KCNH7: variants seen among roughly 807,000 people sequenced by gnomAD.
The protein encoded by KCNH7 is voltage-gated inwardly rectifying potassium channel KCNH7.
In KCNH7, 49 loss-of-function variants were observed where a neutral mutation model predicts 120.8. The ratio of observed to expected loss-of-function variants is 0.41; its 90% CI spans 0.32 to 0.51. KCNH7 has a LOEUF of 0.51. Among genes scored for constraint, KCNH7 ranks in the 20% least tolerant of loss-of-function variants. The probability of loss-of-function intolerance (pLI) is 0.38; values close to 1 mark genes in which losing one functional copy is unlikely to be tolerated. For synonymous variants in KCNH7, 547 were observed against 516.1 expected (o/e 1.06, Z -0.81); for missense variants, 1,097 against 1,446.6 (o/e 0.76, Z 3.92).
At chr2:162,678,161 C>T (rs114419346) in intron 2 of KCNH7, among the ~76,000 whole-genome samples, 1 of 151,130 alleles carries the variant, frequency 6.6e-6, no homozygotes, top group Non-Finnish European at 1.5e-5. Context: ...TTGACAGATG[C>T]CTATTTCTAG....
chr2:162,627,861 G>T (rs1368482976), intron 2 of KCNH7, among the ~76,000 whole-genome samples: 3 of 151,664 alleles, frequency 2.0e-5, no homozygotes, highest in African/African-American at 7.3e-5. Flanking sequence ...TAATAGTATT[G>T]CAGTGACCTG....
chr2:162,467,104 C>G (rs982406041), intron 6 of KCNH7, among the ~76,000 whole-genome samples: 1 of 152,168 alleles, frequency 6.6e-6, no homozygotes, highest in African/African-American at 2.4e-5. Context: ...AAAAACCATA[C>G]AGCCTGAAGG....
chr2:162,426,965 T>C (rs932625553), intron 8 of KCNH7, among the ~76,000 whole-genome samples: 5 of 152,136 alleles, frequency 3.3e-5, no homozygotes, highest in South Asian at 2.1e-4. Flanking sequence ...GGAATTATAA[T>C]GTACATATTC....
intron 2 of KCNH7, among the ~76,000 whole-genome samples, chr2:162,751,237 C>T (rs13022435): frequency 0.02 from 3,004 of 152,220 alleles, 68 homozygotes; most frequent in East Asian, 0.11. Flanking sequence ...GAAATTCAGG[C>T]TGTGCTTTAT....
intron 3 of KCNH7, among the ~76,000 whole-genome samples, chr2:162,522,581 A>G (rs1691569512): frequency 6.6e-6 from 1 of 151,908 alleles, no homozygotes; most frequent in Non-Finnish European, 1.5e-5. Context: ...GGATCTTAAC[A>G]CTGAAAATCA....
intron 2 of KCNH7, among the ~76,000 whole-genome samples, chr2:162,633,167 C>T (rs1056198309): frequency 2.0e-5 from 3 of 151,812 alleles, no homozygotes; most frequent in African/African-American, 7.2e-5. Context: ...TATTAATTTA[C>T]TATGTTTTAG....
At chr2:162,711,127 A>C (rs546176253) in intron 2 of KCNH7, among the ~76,000 whole-genome samples, 1 of 152,368 alleles carries the variant, frequency 6.6e-6, no homozygotes, top group South Asian at 2.1e-4. Flanking sequence ...TGTGAAAACC[A>C]CAAGGCCAGG....
intron 13 of KCNH7, among the ~76,000 whole-genome samples, chr2:162,381,251 A>C (rs1431506884): frequency 5.3e-5 from 8 of 152,122 alleles, no homozygotes; most frequent in Admixed American, 2.6e-4. Flanking sequence ...ATCTATGATT[A>C]AACACTGAGA....
intron 2 of KCNH7, among the ~76,000 whole-genome samples, chr2:162,640,475 G>A (rs1159480028): frequency 6.6e-6 from 1 of 151,520 alleles, no homozygotes; most frequent in Non-Finnish European, 1.5e-5. Flanking sequence ...AAATGAAGTG[G>A]GAGCAATTGG....
intron 2 of KCNH7, among the ~76,000 whole-genome samples, chr2:162,643,173 A>G (rs557117796): frequency 6.6e-5 from 10 of 152,140 alleles, no homozygotes; most frequent in Admixed American, 1.3e-4. Context: ...TTATCAAATA[A>G]TGCTAAGGCT....
At chr2:162,654,625 A>T (rs1332268521) in intron 2 of KCNH7, among the ~76,000 whole-genome samples, 2 of 152,162 alleles carry the variant, frequency 1.3e-5, no homozygotes, top group African/African-American at 2.4e-5. Context: ...TGACCATATG[A>T]TCTAGCAATT....
chr2:162,689,163 A>ATTG (rs1257991956), intron 2 of KCNH7, among the ~76,000 whole-genome samples: 1 of 151,606 alleles, frequency 6.6e-6, no homozygotes, highest in East Asian at 1.9e-4. Context: ...TATTATTATT[A>ATTG]TTATTTGAGA....
rs112178229 is a variant in KCNH7 at position 162,427,100 on chromosome 2, C to T, written c.1955-3565G>A. On this transcript the variant is annotated intron_variant, in intron 8 of 15. Coordinates refer to ENST00000332142, the MANE Select transcript of KCNH7 (RefSeq NM_033272.4). ...ATTGATGTGCATCATATGGCTATAC[C>T]ACAGTTTGTTTATCTCTTCTCCTGT... is the stretch of plus-strand genomic sequence containing the variant. Among the ~76,000 whole-genome samples the T allele has an allele frequency of 4.6e-5, 7 of 151,396 alleles. 1 individual carries two copies. The highest frequency in any genetic ancestry group is 1.4e-4 in the African/African-American group (6 of 41,390).
chr2:162,557,399 C>A (rs1193007621), intron 2 of KCNH7, among the ~76,000 whole-genome samples: 1 of 152,182 alleles, frequency 6.6e-6, no homozygotes, highest in East Asian at 1.9e-4. Flanking sequence ...AGCTTACAAC[C>A]AGCACAGCAT....
chr2:162,431,065 T>C (rs1308096209), intron 8 of KCNH7, among the ~76,000 whole-genome samples: 4 of 152,056 alleles, frequency 2.6e-5, no homozygotes, highest in African/African-American at 9.7e-5. Context: ...ACAAAAACTG[T>C]CTTTGCAAAT....
chr2:162,550,903 T>C (rs1032740920), intron 2 of KCNH7, among the ~76,000 whole-genome samples: 9 of 150,892 alleles, frequency 6.0e-5, no homozygotes, highest in African/African-American at 1.7e-4. Context: ...ATAATAATAA[T>C]AATAATAATA....
At chr2:162,419,570 A>AT (rs1406238505) in intron 9 of KCNH7, among the ~76,000 whole-genome samples, 6 of 152,076 alleles carry the variant, frequency 3.9e-5, no homozygotes, top group Non-Finnish European at 5.9e-5. Flanking sequence ...CCTATTCTGC[A>AT]TTTTTTATAT....
chr2:162,573,965 G>C (rs191884896), intron 2 of KCNH7, among the ~76,000 whole-genome samples: 3 of 151,848 alleles, frequency 2.0e-5, no homozygotes, highest in African/African-American at 4.8e-5. Flanking sequence ...GTTATAAAAA[G>C]AACAGAATAA....
At chr2:162,652,994 G>T (rs773501841) in intron 2 of KCNH7, among the ~76,000 whole-genome samples, 1 of 152,076 alleles carries the variant, frequency 6.6e-6, no homozygotes, top group Non-Finnish European at 1.5e-5. Context: ...TTATGCCAAA[G>T]GCCTTACTTT....
Sources: allele counts gnomAD v4.1 joint callset (sites outside exome capture counted in the v4.1 genomes callset), GRCh38; gene constraint gnomAD v4.1.1; transcripts MANE v1.5; gene names NCBI Gene and HGNC (gene_info 2026-07-23, HGNC 2026-07-21).